The following NSD1 variants were observed in gnomAD, a reference collection of about 807,000 sequenced individuals.
NSD1 encodes the protein histone-lysine N-methyltransferase, H3 lysine-36 specific.
Under a neutral mutation model 242.7 loss-of-function variants are expected in NSD1, and 26 were observed. The ratio of observed to expected loss-of-function variants is 0.11; its 90% CI spans 0.08 to 0.15. The LOEUF (loss-of-function observed/expected upper bound fraction) is 0.15, where lower values mean the gene tolerates loss of function less well. Among genes scored for constraint, NSD1 ranks in the 10% least tolerant of loss-of-function variants. The pLI is 1.00. For missense variants in NSD1, 2,495 were observed against 3,272.8 expected (o/e 0.76, Z 5.80); for synonymous variants, 1,106 against 1,178.1 (o/e 0.94, Z 1.25).
intron 11 of NSD1, among the ~76,000 whole-genome samples, chr5:177,249,106 C>G (rs2149900900): frequency 6.6e-6 from 1 of 152,236 alleles, no homozygotes; most frequent in Middle Eastern, 3.4e-3. Flanking sequence ...TGAGTAGAGT[C>G]AATGACCATT....
chr5:177,138,084 AAAC>A (rs200258465), intron 2 of NSD1, among the ~76,000 whole-genome samples: 2,741 of 143,514 alleles, frequency 0.019, 35 homozygotes, highest in Non-Finnish European at 0.029. Flanking sequence ...TCAAAAAAAA[AAAC>A]AACAAAAAAA....
At chr5:177,256,275 C>CTTTTTTTTTTTT (rs147226070) in intron 12 of NSD1, among the ~76,000 whole-genome samples, 4 of 76,854 alleles carry the variant, frequency 5.2e-5, no homozygotes, top group African/African-American at 2.1e-4. Flanking sequence ...TGCCCCCACA[C>CTTTTTTTTTTTT]TTTTTTTTTT....
chr5:177,250,230 A>G (rs1423857400), intron 11 of NSD1, among the ~76,000 whole-genome samples: 1 of 152,250 alleles, frequency 6.6e-6, no homozygotes. Flanking sequence ...ATCCCAAACA[A>G]CAGTCTTAAT....
chr5:177,177,666 AT>A (rs929473616), intron 2 of NSD1, among the ~76,000 whole-genome samples: 2 of 152,128 alleles, frequency 1.3e-5, no homozygotes, highest in African/African-American at 4.8e-5. Context: ...AAAGAAAAAA[AT>A]ATCAGTATTA....
In NSD1 at chr5:177,211,283, A is replaced by G; in HGVS notation, c.2884A>G (p.Thr962Ala). ...TAAGGTTTTGGTTTCAGGAGGCTCC[A>G]CACACAATTCAGAGAAAAAGGGAGA... ...VSKVLVSGGS[T>A]HNSEKKGDGT... The change falls in exon 5 of 23, where the codon ACA becomes GCA. Residue 962 changes from threonine (T) to alanine (A), a missense_variant. By Grantham distance (58) the Thr-to-Ala change is moderately conservative. Transcript: ENST00000439151. 1 of 1,614,180 alleles carries G rather than the reference A, an allele frequency of 6.2e-7. No individual in the cohort carries two copies. The highest frequency in any genetic ancestry group is 8.5e-7 in the Non-Finnish European group (1 of 1,180,038).
intron 2 of NSD1, among the ~76,000 whole-genome samples, chr5:177,181,519 G>A (rs541871056): frequency 7.4e-4 from 106 of 143,258 alleles, no homozygotes; most frequent in African/African-American, 2.7e-3. Flanking sequence ...TCCAACTCGC[G>A]GGTTCAAGTG....
At chr5:177,244,580 T>C (rs1405499892) in intron 9 of NSD1, among the ~76,000 whole-genome samples, 1 of 152,220 alleles carries the variant, frequency 6.6e-6, no homozygotes, top group Non-Finnish European at 1.5e-5. Flanking sequence ...GTCAGGGAAC[T>C]AAATCCACAC....
intron 4 of NSD1, among the ~76,000 whole-genome samples, chr5:177,207,592 A>ATTTT (rs1562201568): frequency 5.0e-5 from 5 of 100,110 alleles, no homozygotes; most frequent in South Asian, 6.0e-4. Flanking sequence ...TATTTATTTA[A>ATTTT]ATTTTTTTTT....
chr5:177,248,623 A>G (rs970951392), intron 11 of NSD1, among the ~76,000 whole-genome samples: 1 of 152,228 alleles, frequency 6.6e-6, no homozygotes, highest in African/African-American at 2.4e-5. Flanking sequence ...ATAATTCTCC[A>G]GTACTTCTCA....
In NSD1 at chr5:177,296,109, G is replaced by C; in HGVS notation, c.*650G>C. 1 of 250,214 alleles carries C rather than the reference G, an allele frequency of 4.0e-6. No individual in the cohort carries two copies. Among genetic ancestry groups the C allele is most frequent in the Middle Eastern group, 1.2e-3 (1 of 820 alleles). The allele number at this position is 250,214 out of a possible 1,614,324, so 15.5% of individuals were successfully genotyped here. On this transcript the variant is annotated 3_prime_UTR_variant, in exon 23 of 23. Transcript: ENST00000439151. Reference sequence around the variant, plus strand: ...GTTGAGGAAGTGTCTCTTGGCTGCGGTGTGCATGGGTGCGTGTGCATGCGC... The same window carrying C: ...GTTGAGGAAGTGTCTCTTGGCTGCGCTGTGCATGGGTGCGTGTGCATGCGC...
chr5:177,222,192 G>A (rs144440127), intron 5 of NSD1, among the ~76,000 whole-genome samples: 51 of 152,172 alleles, frequency 3.4e-4, no homozygotes, highest in African/African-American at 1.2e-3. Flanking sequence ...GCAGTGGCAC[G>A]ATCTTGGCTC....
At chr5:177,157,089 C>T (rs1369433706) in intron 2 of NSD1, among the ~76,000 whole-genome samples, 1 of 151,816 alleles carries the variant, frequency 6.6e-6, no homozygotes, top group Non-Finnish European at 1.5e-5. Context: ...AAGTATAGGC[C>T]GGGTACGGTG....
chr5:177,168,165 T>G (rs1220701553), intron 2 of NSD1, among the ~76,000 whole-genome samples: 1 of 152,194 alleles, frequency 6.6e-6, no homozygotes, highest in Non-Finnish European at 1.5e-5. Context: ...CTTTCAATAA[T>G]GTTTTGTAAT....
At chr5:177,234,451 G>A (rs1015679073) in intron 5 of NSD1, among the ~76,000 whole-genome samples, 1 of 152,142 alleles carries the variant, frequency 6.6e-6, no homozygotes, top group African/African-American at 2.4e-5. Flanking sequence ...GCAGTGTCTC[G>A]AGAGCCTGTA....
At chr5:177,222,526 C>T (rs1764318120) in intron 5 of NSD1, among the ~76,000 whole-genome samples, 4 of 152,092 alleles carry the variant, frequency 2.6e-5, no homozygotes, top group Non-Finnish European at 1.5e-5. Context: ...TGGTTATAGC[C>T]GTCCTTTTGG....
intron 14 of NSD1, among the ~76,000 whole-genome samples, chr5:177,267,175 A>G (rs1757560699): frequency 6.6e-6 from 1 of 152,216 alleles, no homozygotes; most frequent in Non-Finnish European, 1.5e-5. Context: ...TAGTAGTTCT[A>G]AAAGGAGGGA....
intron 18 of NSD1, among the ~76,000 whole-genome samples, chr5:177,281,498 A>G (rs1758878786): frequency 6.6e-6 from 1 of 152,128 alleles, no homozygotes; most frequent in Non-Finnish European, 1.5e-5. Flanking sequence ...GGATGCACTA[A>G]CCAAGACGAG....
At chr5:177,176,120 C>T (rs1196676821) in intron 2 of NSD1, among the ~76,000 whole-genome samples, 5 of 152,220 alleles carry the variant, frequency 3.3e-5, no homozygotes, top group Admixed American at 3.3e-4. Context: ...AAGTGATCTA[C>T]CTGCCTCGGC....
In NSD1 at chr5:177,297,391, T is replaced by C. The variant is rs771575149; in HGVS notation, c.*1932T>C. On this transcript the variant is annotated 3_prime_UTR_variant, in exon 23 of 23. Coordinates refer to ENST00000439151, the MANE Select transcript of NSD1 (RefSeq NM_022455.5). The stretch of plus-strand genomic sequence containing the variant: ...CATGAAAAAGATATTTTTAAAGAAA[T>C]TCACCGAGAACATTAAAGTTCATTA... The C allele has an allele frequency of 3.1e-5, 7 of 228,772 alleles. No homozygotes were observed. Among genetic ancestry groups the C allele is most frequent in the Non-Finnish European group, 5.2e-5 (6 of 115,404 alleles). 14.2% of individuals were successfully genotyped at this position (228,772 alleles called of 1,614,324 possible). A position where few individuals can be genotyped will look rare whatever the true frequency, so the allele number is the denominator to read the frequency against.
Sources: gnomAD v4.1 joint callset for allele counts (sites outside exome capture counted in the v4.1 genomes callset) on GRCh38, gnomAD v4.1.1 for gene constraint, MANE v1.5 for transcripts, NCBI Gene and HGNC (gene_info 2026-07-23, HGNC 2026-07-21) for gene names.